The following ZNF695 variants were observed in gnomAD, a reference collection of about 807,000 sequenced individuals.
The protein encoded by ZNF695 is zinc finger protein SBZF3.
A neutral mutation model predicts 11.2 loss-of-function variants in ZNF695; 11 were observed. That is an observed-to-expected ratio of 0.98 (90% confidence interval 0.62 to 1.62). The LOEUF (loss-of-function observed/expected upper bound fraction) is 1.62, where lower values mean the gene tolerates loss of function less well. ZNF695 is among the 40% of genes most tolerant of loss of function. The probability of loss-of-function intolerance (pLI) is 0.00; values close to 1 mark genes in which losing one functional copy is unlikely to be tolerated. For synonymous variants in ZNF695, 190 were observed against 201.4 expected (o/e 0.94, Z 0.48); for missense variants, 559 against 590.5 (o/e 0.95, Z 0.55).
At position 247,000,074 on chromosome 1, in the gene ZNF695, C is replaced by T; in HGVS notation, c.4G>A (p.Gly2Arg). The T allele has an allele frequency of 1.3e-6, 2 of 1,597,724 alleles. No homozygotes were observed. ...GCCACATCCCTGAATGCCAATAGTC[C>T]CTGAAAAAGAAAACATATTTACCAA... is the stretch of plus-strand genomic sequence containing the variant. Reference protein sequence around the residue: MGLLAFRDVALE... With the variant: MRLLAFRDVALE... The change falls in exon 2 of 4, where the codon GGA (glycine) becomes AGA (arginine). Residue 2 changes from glycine (G) to arginine (R), a missense_variant and splice_region_variant. Physicochemically the swap from Gly to Arg is moderately radical, Grantham distance 125. Transcript: ENST00000339986.
At chr1:246,974,392 T>C (rs1668506479) in intron 4 of ZNF695, among the ~76,000 whole-genome samples, 1 of 150,034 alleles carries the variant, frequency 6.7e-6, no homozygotes, top group Admixed American at 6.7e-5. Flanking sequence ...AGAGCTAAGA[T>C]ACAGTAGACT....
chr1:246,950,328 CT>C (rs1667840744), intron 5 of ZNF695, among the ~76,000 whole-genome samples: 1 of 152,138 alleles, frequency 6.6e-6, no homozygotes. Context: ...ACTTGCCATT[CT>C]TTTTGATTAT....
downstream of ZNF695, chr1:246,985,220 T>C: frequency 3.5e-6 from 3 of 869,284 alleles, no homozygotes; most frequent in Non-Finnish European, 4.1e-6. Flanking sequence ...AAACCAAAAC[T>C]AAAAGCATGT....
chr1:246,952,601 C>T (rs1304198609), intron 5 of ZNF695, among the ~76,000 whole-genome samples: 1 of 149,200 alleles, frequency 6.7e-6, no homozygotes, highest in Non-Finnish European at 1.5e-5. Flanking sequence ...GGCTGGAGTA[C>T]AGTGGTGCAA....
Position 246,987,886 on chromosome 1 carries a change from T to C in ZNF695, c.629A>G (p.Asn210Ser), listed in dbSNP as rs752255118. The C allele has an allele frequency of 4.6e-5, 74 of 1,609,556 alleles. No homozygotes were observed. The highest frequency in any genetic ancestry group is 5.1e-5 in the Admixed American group (3 of 58,888). ...GCCACATTTTTTACATTGGTACGGG[T>C]TCTCTCCAATATGGATTCTCTGCTG... ...TQQQRIHIGENPYQCKKCGKA... is the reference protein window; with the variant it reads ...TQQQRIHIGESPYQCKKCGKA... Residue 210 changes from asparagine to serine, a missense_variant, in exon 4 of 4, where the codon AAC becomes AGC. Transcript: ENST00000339986.
At chr1:246,967,734 C>A in exon 5 of ZNF695, 1 of 399,026 alleles carries the variant, frequency 2.5e-6, no homozygotes. Flanking sequence ...CTGGGGAGGC[C>A]TCAGGAAACT....
At chr1:246,957,691 A>G (rs1158683710) in intron 5 of ZNF695, among the ~76,000 whole-genome samples, 1 of 152,004 alleles carries the variant, frequency 6.6e-6, no homozygotes, top group Non-Finnish European at 1.5e-5. Flanking sequence ...GCTGGAGTGC[A>G]GTGGCATGAT....
chr1:246,998,894 GGAGGTGGGGCTTGTAGT>G (rs1669281131), intron 3 of ZNF695, among the ~76,000 whole-genome samples: 1 of 152,056 alleles, frequency 6.6e-6, no homozygotes, highest in Non-Finnish European at 1.5e-5. Flanking sequence ...CTTGAACCCA[GGAGGTGGGGCTTGTAGT>G]GAGCCGAGAT....
intron 1 of ZNF695, among the ~76,000 whole-genome samples, chr1:247,001,433 C>T (rs34651986): frequency 6.6e-6 from 1 of 151,360 alleles, no homozygotes; most frequent in East Asian, 1.9e-4. Flanking sequence ...GAAAAGGAGC[C>T]GGGCGTGGTG....
chr1:246,986,935 A>C lies in ZNF695; in HGVS notation c.*32T>G, dbSNP rs1474956449. 1.3e-6 allele frequency: 2 copies of C among 1,534,104 alleles called. No individual in the cohort carries two copies. Among genetic ancestry groups the C allele is most frequent in the African/African-American group, 2.8e-5 (2 of 71,986 alleles). ...AAGTTGTGAATAGGTATTAAAGACT[A>C]TGCCATATTGTTTAGAATTGTAGGG... On this transcript the variant is annotated 3_prime_UTR_variant, in exon 4 of 4. Transcript: ENST00000339986.
chr1:246,950,828 A>G (rs769389152), intron 5 of ZNF695, among the ~76,000 whole-genome samples: 6 of 152,130 alleles, frequency 3.9e-5, no homozygotes, highest in Non-Finnish European at 8.8e-5. Context: ...TAAAATGCAA[A>G]ATGACAGTAG....
At chr1:246,973,266 C>T (rs1289728970) in intron 4 of ZNF695, among the ~76,000 whole-genome samples, 1 of 152,082 alleles carries the variant, frequency 6.6e-6, no homozygotes, top group Non-Finnish European at 1.5e-5. Context: ...TCAGGCTGGT[C>T]TCGAACTCCC....
At chr1:246,996,868 C>A (rs1435770768) in intron 3 of ZNF695, among the ~76,000 whole-genome samples, 2 of 152,076 alleles carry the variant, frequency 1.3e-5, no homozygotes, top group East Asian at 3.8e-4. Flanking sequence ...CAGGCAAATA[C>A]ACACACACGT....
chr1:246,959,628 A>G (rs1026629053), intron 5 of ZNF695, among the ~76,000 whole-genome samples: 1 of 151,606 alleles, frequency 6.6e-6, no homozygotes, highest in Non-Finnish European at 1.5e-5. Flanking sequence ...GGGTTTCACT[A>G]TCTTGGCCAG....
chr1:246,982,062 G>A (rs1245231198), downstream of ZNF695, among the ~76,000 whole-genome samples: 1 of 151,930 alleles, frequency 6.6e-6, no homozygotes, highest in Non-Finnish European at 1.5e-5. Flanking sequence ...CGTGAGGTTG[G>A]GAGTTTGGGA....
chr1:246,980,869 T>C (rs1284904184), downstream of ZNF695, among the ~76,000 whole-genome samples: 3 of 152,166 alleles, frequency 2.0e-5, no homozygotes, highest in African/African-American at 7.2e-5. Context: ...ATTTTTTAGA[T>C]TTAATGTAAA....
intron 4 of ZNF695, among the ~76,000 whole-genome samples, chr1:246,969,848 C>T (rs1622905): frequency 0.64 from 96,994 of 151,932 alleles, 32,786 homozygotes; most frequent in African/African-American, 0.88. Flanking sequence ...GCTACACATT[C>T]TTAAACAACC....
chr1:246,999,413 AT>A lies in ZNF695; in HGVS notation c.193del (p.Ile65SerfsTer13), dbSNP rs1371755194. 6.2e-7 allele frequency: 1 copy of A among 1,614,030 alleles called. No homozygotes were observed. Among genetic ancestry groups the A allele is most frequent in the East Asian group, 2.2e-5 (1 of 44,880 alleles). ...HSLAMSKPEL[I>X]ICLEARKEPW... ...CTCTTTCCTTGCCTCCAGACAGATG[AT>A]CAGTTCTGGCTTAGACATAGCAAGA... On this transcript the variant is annotated frameshift_variant, in exon 3 of 4. Transcript: ENST00000339986. LOFTEE classifies it high-confidence loss of function.
chr1:246,967,607 G>A (rs1668321168), intron 5 of ZNF695: 1 of 387,516 alleles, frequency 2.6e-6, no homozygotes, highest in Non-Finnish European at 5.1e-6. Flanking sequence ...TTTTGACCTG[G>A]CCTTGTGTAT....
Sources: gnomAD v4.1 joint callset for allele counts (sites outside exome capture counted in the v4.1 genomes callset) on GRCh38, gnomAD v4.1.1 for gene constraint, MANE v1.5 for transcripts, NCBI Gene and HGNC (gene_info 2026-07-23, HGNC 2026-07-21) for gene names.